ADRA1A: variants seen among roughly 807,000 people sequenced by gnomAD.
ADRA1A encodes alpha-1A adrenergic receptor.
A neutral mutation model predicts 29.6 loss-of-function variants in ADRA1A; 31 were observed. That is an observed-to-expected ratio of 1.05 (90% CI 0.79 to 1.41). The LOEUF (loss-of-function observed/expected upper bound fraction) is 1.41, where lower values mean the gene tolerates loss of function less well. ADRA1A is among the 40% of genes most tolerant of loss of function. The pLI, the probability that ADRA1A is intolerant of heterozygous loss-of-function variation, is 0.00. For synonymous variants in ADRA1A, 311 were observed against 254.3 expected, an observed-to-expected ratio of 1.22 and a Z score of -2.12; for missense variants, 619 against 601.1, an observed-to-expected ratio of 1.03 and a Z score of -0.31.
intron 2 of ADRA1A, among the ~76,000 whole-genome samples, chr8:26,812,853 G>A (rs945539178): frequency 6.6e-6 from 1 of 151,198 alleles, no homozygotes; most frequent in African/African-American, 2.5e-5. Flanking sequence ...TTTTAGTAGA[G>A]ACTGGAGTTT....
Position 26,864,151 on chromosome 8 carries a change from C to A in ADRA1A, c.819G>T (p.Thr273=), listed in dbSNP as rs61757007. The A allele has an allele frequency of 2.1e-3, 3,398 of 1,614,128 alleles. 8 individuals are homozygous for A. Among genetic ancestry groups the A allele is most frequent in the Non-Finnish European group, 2.6e-3 (3,062 of 1,180,038 alleles). ...CGAAGCAGCCGACCACGATGCCCAG[C>A]GTTTTGGCCGCTTTCTTCTCCCGGG... is the stretch of plus-strand genomic sequence containing the variant. ...KFSREKKAAK[T]LGIVVGCFVL... The change falls in exon 2 of 3, where the codon ACG becomes ACT. Residue 273 remains threonine, a synonymous_variant. Coordinates refer to ENST00000380573, the MANE Select transcript of ADRA1A (RefSeq NM_000680.4). This position sits in a 1 kb window ranked among gnomAD's most constrained non-coding sequence, Gnocchi z 8.1.
In ADRA1A at chr8:26,751,069, C is replaced by CAAA. The variant is rs35234230; in HGVS notation, c.1270-2324_1270-2322dup. ...GGGCAACAAGAGCAAAACTCTGTCT[C>CAAA]AAAAAAAAAAAAAAAAAATTGTAAG... is the stretch of plus-strand genomic sequence containing the variant. On this transcript the variant is annotated intron_variant, in intron 2 of 2. Transcript: ENST00000380586. Among the ~76,000 whole-genome samples, 709 of 138,296 alleles carry CAAA rather than the reference C, an allele frequency of 5.1e-3. 9 individuals carry two copies. The highest frequency in any genetic ancestry group is 0.017 in the African/African-American group (614 of 37,106). 90.7% of individuals were successfully genotyped at this position (138,296 alleles called of 152,430 possible). A position where few individuals can be genotyped will look rare whatever the true frequency, so the allele number is the denominator to read the frequency against.
intron 2 of ADRA1A, among the ~76,000 whole-genome samples, chr8:26,804,977 A>G (rs1309656646): frequency 6.6e-6 from 1 of 152,230 alleles, no homozygotes; most frequent in Non-Finnish European, 1.5e-5. Context: ...TCTCTCTCAC[A>G]TGCATACACA....
downstream of ADRA1A, among the ~76,000 whole-genome samples, chr8:26,764,853 T>C (rs1208270736): frequency 1.3e-5 from 2 of 152,246 alleles, no homozygotes; most frequent in Non-Finnish European, 2.9e-5. Context: ...GTCATTTTTT[T>C]CTCAAAATAC....
chr8:26,863,580 T>G (rs1398236960), intron 2 of ADRA1A, among the ~76,000 whole-genome samples: 3 of 152,172 alleles, frequency 2.0e-5, no homozygotes, highest in Non-Finnish European at 2.9e-5. Flanking sequence ...AGCACAGATA[T>G]AGAACATAAA....
At chr8:26,857,829 G>T (rs1167629169) in intron 2 of ADRA1A, among the ~76,000 whole-genome samples, 1 of 152,140 alleles carries the variant, frequency 6.6e-6, no homozygotes, top group Admixed American at 6.5e-5. Flanking sequence ...GAGGGTTTGG[G>T]ATTATCATAT....
chr8:26,760,352 C>T (rs72609950), intron 2 of ADRA1A, among the ~76,000 whole-genome samples: 3,735 of 152,278 alleles, frequency 0.025, 73 homozygotes, highest in Admixed American at 0.06. Context: ...AAGGCTTAGG[C>T]TTTAAGAGTG....
intron 2 of ADRA1A, chr8:26,859,254 G>T (rs1813269250): frequency 1.7e-6 from 2 of 1,180,958 alleles, no homozygotes; most frequent in African/African-American, 1.6e-5. Context: ...CTCACATTTT[G>T]CATGAAAAAC....
rs1812401472 is a variant in ADRA1A, at chr8:26,848,741, A to T, written c.883+15346T>A. Among the ~76,000 whole-genome samples the T allele has an allele frequency of 6.6e-6, 1 of 152,152 alleles. No individual in the cohort carries two copies. The highest frequency in any genetic ancestry group is 1.5e-5 in the Non-Finnish European group (1 of 68,028). On this transcript the variant is annotated intron_variant, in intron 2 of 2. Transcript: ENST00000380573. This position sits in a 1 kb window ranked among gnomAD's most constrained non-coding sequence, Gnocchi z 4.3. The stretch of plus-strand genomic sequence containing the variant: ...TAGGAAAAGAGTCATTAAACTCTAC[A>T]CGTTTCACACAATCCTCTTGTGATC...
At chr8:26,801,788 G>T (rs567532073) in intron 2 of ADRA1A, among the ~76,000 whole-genome samples, 73 of 152,012 alleles carry the variant, frequency 4.8e-4, no homozygotes, top group Non-Finnish European at 5.4e-4. Context: ...ATAGCCAAAG[G>T]TATCCAGAGC....
intron 2 of ADRA1A, among the ~76,000 whole-genome samples, chr8:26,749,775 G>A (rs894254795): frequency 5.3e-5 from 8 of 152,140 alleles, no homozygotes; most frequent in Non-Finnish European, 1.0e-4. Flanking sequence ...AAAAAGGAAT[G>A]CACAATCTGG....
intron 2 of ADRA1A, among the ~76,000 whole-genome samples, chr8:26,832,903 G>A (rs1811092626): frequency 6.6e-6 from 1 of 152,178 alleles, no homozygotes; most frequent in African/African-American, 2.4e-5. Flanking sequence ...GCTGCCTGCA[G>A]GAAGAAGGAG....
rs1196497694 is a variant in ADRA1A at position 26,789,099 on chromosome 8, CT to C, written c.884-18434del. On this transcript the variant is annotated intron_variant, in intron 2 of 2. Transcript: ENST00000380573. ...CCTATGTCTTAATGCCCCCATTCCCCTTTTCCCCCCACCCCTGACAGGCCTC... is the reference window on the plus strand; with the variant it reads ...CCTATGTCTTAATGCCCCCATTCCCCTTTCCCCCCACCCCTGACAGGCCTC... Among the ~76,000 whole-genome samples the C allele has an allele frequency of 2.6e-5, 4 of 152,110 alleles. No homozygotes were observed. In the South Asian group the frequency reaches 6.2e-4, roughly 24 times the overall value.
intron 2 of ADRA1A, among the ~76,000 whole-genome samples, chr8:26,818,260 G>T (rs577103299): frequency 6.6e-6 from 1 of 152,226 alleles, no homozygotes; most frequent in African/African-American, 2.4e-5. Flanking sequence ...GCATGTGACT[G>T]CAGAAATTTG....
At chr8:26,839,181 A>G (rs1204541159) in intron 2 of ADRA1A, among the ~76,000 whole-genome samples, 1 of 122,682 alleles carries the variant, frequency 8.2e-6, no homozygotes, top group Admixed American at 9.2e-5. Context: ...TTTTTTTGAG[A>G]TGGAGCCTCG....
At chr8:26,753,081 T>A (rs1444933167), downstream of ADRA1A, among the ~76,000 whole-genome samples, 1 of 152,154 alleles carries the variant, frequency 6.6e-6, no homozygotes, top group Non-Finnish European at 1.5e-5. Context: ...ACCACATTGC[T>A]GAGGAGTCCC....
chr8:26,821,332 T>C lies in ADRA1A; in HGVS notation c.883+42755A>G, dbSNP rs946675293. Among the ~76,000 whole-genome samples, 3 of 152,092 alleles carry C rather than the reference T, an allele frequency of 2.0e-5. No homozygotes were observed. The highest frequency in any genetic ancestry group is 7.2e-5 in the African/African-American group (3 of 41,430). On this transcript the variant is annotated intron_variant, in intron 2 of 2. Coordinates refer to ENST00000380573, the MANE Select transcript of ADRA1A (RefSeq NM_000680.4). This position sits in a 1 kb window ranked among gnomAD's most constrained non-coding sequence, Gnocchi z 5.6. ...CTTCTGGTGAGGGCCTCAGGAAGCA[T>C]ACAGTCATGGTGGAAGGCTAAGGGA...
intron 2 of ADRA1A, among the ~76,000 whole-genome samples, chr8:26,819,411 A>C (rs1350392416): frequency 5.3e-5 from 8 of 152,122 alleles, no homozygotes; most frequent in Non-Finnish European, 7.4e-5. Context: ...CAAAAGTATT[A>C]AAATATAGCT....
intron 2 of ADRA1A, among the ~76,000 whole-genome samples, chr8:26,814,022 A>G (rs1284856690): frequency 6.6e-6 from 1 of 152,208 alleles, no homozygotes; most frequent in Non-Finnish European, 1.5e-5. Context: ...TTGTTTAGCT[A>G]GCACAATATT....
Sources: allele counts gnomAD v4.1 joint callset (sites outside exome capture counted in the v4.1 genomes callset), GRCh38; gene constraint gnomAD v4.1.1; non-coding constraint Gnocchi (gnomAD v3.1); transcripts MANE v1.5; gene names NCBI Gene and HGNC (gene_info 2026-07-23, HGNC 2026-07-21).